Variants in GSTA1 observed in about 807,000 individuals in gnomAD.
GSTA1 encodes glutathione S-transferase alpha 1.
Under a neutral mutation model 21.5 loss-of-function variants are expected in GSTA1, and 23 were observed. That is an observed-to-expected ratio of 1.07 (90% CI 0.77 to 1.52). The LOEUF is 1.52. Ranked by LOEUF, GSTA1 falls within the 40% of genes most tolerant of loss-of-function variation. The pLI is 0.00. For synonymous variants in GSTA1, 125 were observed against 90.0 expected (o/e 1.39, Z -2.20); for missense variants, 301 against 264.2 (o/e 1.14, Z -0.96).
intron 2 of GSTA1, 147 bp downstream of exon 2, chr6:52,799,034 T>A (rs1385591576): frequency 1.2e-5 from 9 of 747,466 alleles, no homozygotes; most frequent in African/African-American, 5.4e-5. Flanking sequence ...AATTAATAGG[T>A]CAAATCTGTT....
intron 3 of GSTA1, among the ~76,000 whole-genome samples, chr6:52,796,847 C>T (rs1290271397): frequency 6.6e-6 from 1 of 151,952 alleles, no homozygotes; most frequent in Admixed American, 6.6e-5. Context: ...GTCCAAACAA[C>T]ATTTTTAAAA....
rs185820169 is a variant in GSTA1, at chr6:52,800,631, C to T, written c.-30-1334G>A. 1.2e-4 allele frequency among the ~76,000 whole-genome samples: 19 copies of T among 152,228 alleles called. No individual in the cohort carries two copies. In the East Asian group the frequency reaches 3.7e-3, roughly 29 times the overall value. On this transcript the variant is annotated intron_variant, in intron 1 of 6. Coordinates refer to ENST00000334575, the MANE Select transcript of GSTA1 (RefSeq NM_145740.5). ...ATCCCAGGCTGTTTGGGAGGTGGAA[C>T]ATAGCAGAGTATCAGAGAATGAAAA...
At chr6:52,796,590 C>CTGGAGTGGAGTGGCATGATCT (rs1763596794) in intron 3 of GSTA1, among the ~76,000 whole-genome samples, 1 of 137,162 alleles carries the variant, frequency 7.3e-6, no homozygotes, top group African/African-American at 2.7e-5. Flanking sequence ...GTCACCCAGG[C>CTGGAGTGGAGTGGCATGATCT]TGGAGTGGAG....
intron 1 of GSTA1, among the ~76,000 whole-genome samples, chr6:52,803,296 A>T (rs1561916758): frequency 6.6e-6 from 1 of 152,174 alleles, no homozygotes; most frequent in African/African-American, 2.4e-5. Flanking sequence ...TGAGCTAATT[A>T]GTGGCAAAGG....
chr6:52,801,845 G>A (rs1410640935), intron 1 of GSTA1, among the ~76,000 whole-genome samples: 4 of 152,154 alleles, frequency 2.6e-5, no homozygotes, highest in Non-Finnish European at 5.9e-5. Flanking sequence ...GGCACACTGA[G>A]TTTCAGAGAG....
chr6:52,799,454 G>A (rs576390681), intron 1 of GSTA1, among the ~76,000 whole-genome samples, 157 bp from the exon 2 acceptor site: 87 of 152,302 alleles, frequency 5.7e-4, no homozygotes, highest in African/African-American at 1.8e-3. Context: ...GGCTCAAATT[G>A]TTACCCAGCA....
chr6:52,792,783 G>A (rs1763488054), intron 6 of GSTA1, 73 bp downstream of exon 6: 8 of 1,611,908 alleles, frequency 5.0e-6, no homozygotes, highest in Non-Finnish European at 8.5e-7. Context: ...AACTTGGTCA[G>A]TCGCAGGGCC....
intron 6 of GSTA1, among the ~76,000 whole-genome samples, chr6:52,792,366 T>G (rs1460711682): frequency 6.6e-6 from 1 of 152,142 alleles, no homozygotes; most frequent in Non-Finnish European, 1.5e-5. Flanking sequence ...TAGAAAATAT[T>G]AAAGACAAAC....
rs1489317727 is a variant in GSTA1, at chr6:52,799,270, T to G, written c.-3A>C. ...TGGAGCTTGGGCTTCTCTGCCATGA[T>G]AGCAGTCTCCTGGAGGTTTCTCTAA... On this transcript the variant is annotated 5_prime_UTR_variant, in exon 2 of 7. Transcript: ENST00000334575. 19 of 1,612,774 alleles carry G rather than the reference T, an allele frequency of 1.2e-5. No homozygotes were observed. The highest frequency in any genetic ancestry group is 1.7e-5 in the Admixed American group (1 of 59,838).
At chr6:52,801,462 CTTGT>C (rs1480961505) in intron 1 of GSTA1, among the ~76,000 whole-genome samples, 1 of 152,188 alleles carries the variant, frequency 6.6e-6, no homozygotes, top group East Asian at 1.9e-4. Context: ...ATGGGGTATG[CTTGT>C]TTAATTGTTA....
rs749358055 is a variant in GSTA1 at position 52,799,176 on chromosome 6, C to A, written c.87+5G>T. 6 of 1,612,940 alleles carry A rather than the reference C, an allele frequency of 3.7e-6. No individual in the cohort carries two copies. The highest frequency in any genetic ancestry group is 5.1e-6 in the Non-Finnish European group (6 of 1,179,228). ...CAACTTAAGATGACCTAACTCAGAA[C>A]CTACCTCTACTCCAGCTGCAGCCAG... On this transcript the variant is annotated splice_donor_5th_base_variant and intron_variant, in intron 2 of 6. Transcript: ENST00000334575.
rs758931965 is a variant in GSTA1 at position 52,796,208 on chromosome 6, A to G, written c.246T>C (p.Tyr82=). 2.9e-5 allele frequency: 47 copies of G among 1,613,666 alleles called. 1 individual carries two copies. The highest frequency in any genetic ancestry group is 3.3e-4 in the Middle Eastern group (2 of 6,054). ...GGGCTCTCTCCTTTATGTCTTTCCC[A>G]TAGAGGTTGTATTTGCTGGCAATGT... ...LNYIASKYNL[Y]GKDIKERALI... The change falls in exon 4 of 7, where the codon TAT becomes TAC. Residue 82 remains tyrosine, a synonymous_variant. Transcript: ENST00000334575.
intron 2 of GSTA1, among the ~76,000 whole-genome samples, chr6:52,798,944 C>A (rs1482042790): frequency 6.6e-6 from 1 of 152,134 alleles, no homozygotes; most frequent in African/African-American, 2.4e-5. Context: ...AAATTCTAAT[C>A]CACTTAAGTT....
In GSTA1 at chr6:52,791,764, C is replaced by G. The variant is rs1313323817; in HGVS notation, c.*94G>C. 2.8e-6 allele frequency: 4 copies of G among 1,452,380 alleles called. No homozygotes were observed. The East Asian group carries it at 9.1e-5, about 33-fold the overall frequency. 90.0% of individuals were successfully genotyped at this position (1,452,380 alleles called of 1,614,324 possible). On this transcript the variant is annotated 3_prime_UTR_variant, in exon 7 of 7. Coordinates refer to ENST00000334575, the MANE Select transcript of GSTA1 (RefSeq NM_145740.5). ...AATTTGAAAGAGTTCATTAGCTTCA[C>G]AACAGGCACAATCAACACTTAGGTA...
At chr6:52,792,085 C>T (rs1763473120) in intron 6 of GSTA1, 105 bp from the exon 7 acceptor site, 6 of 1,504,582 alleles carry the variant, frequency 4.0e-6, no homozygotes, top group Non-Finnish European at 5.4e-6. Flanking sequence ...AGTGAGTCTG[C>T]TCCATCAGCA....
At chr6:52,802,672 TA>T (rs1763744783) in intron 1 of GSTA1, among the ~76,000 whole-genome samples, 1 of 152,318 alleles carries the variant, frequency 6.6e-6, no homozygotes, top group East Asian at 1.9e-4. Context: ...ATGTATGTAT[TA>T]TTTTATCTAT....
intron 5 of GSTA1, 51 bp from the exon 6 acceptor site, chr6:52,793,038 AC>A (rs1234250866): frequency 1.4e-5 from 22 of 1,612,346 alleles, no homozygotes; most frequent in Non-Finnish European, 1.8e-5. Flanking sequence ...CCAGGCTAGG[AC>A]CCCTGCTTCT....
intron 3 of GSTA1, among the ~76,000 whole-genome samples, chr6:52,796,529 G>GTGTGTGTATA (rs1401978046): frequency 1.1e-4 from 6 of 56,616 alleles, no homozygotes; most frequent in African/African-American, 3.3e-4. Context: ...GTGTGTGTGT[G>GTGTGTGTATA]TATATATATA....
intron 1 of GSTA1, among the ~76,000 whole-genome samples, chr6:52,801,530 C>G (rs796262172): frequency 6.6e-6 from 1 of 152,148 alleles, no homozygotes; most frequent in African/African-American, 2.4e-5. Context: ...ACTCTCTTAG[C>G]CATTGATTGA....
Sources: allele counts gnomAD v4.1 joint callset (sites outside exome capture counted in the v4.1 genomes callset), GRCh38; gene constraint gnomAD v4.1.1; transcripts MANE v1.5; gene names NCBI Gene and HGNC (gene_info 2026-07-23, HGNC 2026-07-21).